TBL1X: variants seen among roughly 807,000 people sequenced by gnomAD.
TBL1X encodes the protein F-box-like/WD repeat-containing protein TBL1X.
Under a neutral mutation model 50.7 loss-of-function variants are expected in TBL1X, and 10 were observed. The ratio of observed to expected loss-of-function variants is 0.20; its 90% CI spans 0.12 to 0.33. The LOEUF (loss-of-function observed/expected upper bound fraction) is 0.33, where lower values mean the gene tolerates loss of function less well. Among genes scored for constraint, TBL1X ranks in the 10% least tolerant of loss-of-function variants. The pLI is 1.00. For missense variants in TBL1X, 340 were observed against 504.4 expected (o/e 0.67, Z 3.12); for synonymous variants, 190 against 214.7 (o/e 0.88, Z 1.01).
intron 2 of TBL1X, among the ~76,000 whole-genome samples, chrX:9,517,844 C>G: frequency 8.9e-6 from 1 of 112,119 alleles, no homozygotes; most frequent in Middle Eastern, 4.6e-3. Context: ...GCGGCTCATG[C>G]CTGTAATCCC....
intron 2 of TBL1X, among the ~76,000 whole-genome samples, chrX:9,638,828 T>C (rs979012867): frequency 2.7e-5 from 3 of 112,076 alleles, no homozygotes; most frequent in African/African-American, 9.7e-5. Context: ...TTTTTTCCCC[T>C]GGTAATTTAT....
chrX:9,689,230 C>A (rs1009393375), intron 7 of TBL1X, among the ~76,000 whole-genome samples: 20 of 112,319 alleles, frequency 1.8e-4, no homozygotes, highest in African/African-American at 6.5e-4. Flanking sequence ...CTGACTATGA[C>A]GTTGCTGTCT....
chrX:9,692,332 G>A (rs1217689942), intron 9 of TBL1X, 78 bp downstream of exon 9: 1 of 1,109,323 alleles, frequency 9.0e-7, no homozygotes, highest in African/African-American at 1.9e-5. Context: ...CAGCAATGGA[G>A]CCCATGCAGA....
At chrX:9,635,537 G>A (rs1412917860) in intron 2 of TBL1X, among the ~76,000 whole-genome samples, 1 of 111,963 alleles carries the variant, frequency 8.9e-6, no homozygotes, top group African/African-American at 3.2e-5. Flanking sequence ...TGCAGTGGCA[G>A]CCAGGTAGTG....
At chrX:9,642,468 GTCC>G (rs2082780890) in intron 3 of TBL1X, among the ~76,000 whole-genome samples, 1 of 111,854 alleles carries the variant, frequency 8.9e-6, no homozygotes, top group East Asian at 2.8e-4. Context: ...TTCAACACAT[GTCC>G]TCCTTTCAAA....
Position 9,653,120 on chromosome X carries a change from G to C in TBL1X, c.-42-425G>C, listed in dbSNP as rs189381393. On this transcript the variant is annotated intron_variant, in intron 3 of 17. Transcript: ENST00000645353. ...GCGGAGGATGCAGTGAGCTGAGATCGCACCACTGCACTCCGGCCTGGCAAC... is the reference window on the plus strand; with the variant it reads ...GCGGAGGATGCAGTGAGCTGAGATCCCACCACTGCACTCCGGCCTGGCAAC... 5.0e-3 allele frequency among the ~76,000 whole-genome samples: 560 copies of C among 112,790 alleles called. 4 individuals carry two copies. Among genetic ancestry groups the C allele is most frequent in the African/African-American group, 0.017 (526 of 31,093 alleles).
intron 11 of TBL1X, among the ~76,000 whole-genome samples, chrX:9,696,185 A>G (rs925465423): frequency 8.9e-6 from 1 of 112,855 alleles, no homozygotes; most frequent in Admixed American, 9.4e-5. Flanking sequence ...TGGTATCAGA[A>G]CTGTGAAAGA....
At chrX:9,591,865 CA>C (rs1162727605) in intron 2 of TBL1X, among the ~76,000 whole-genome samples, 2 of 112,045 alleles carry the variant, frequency 1.8e-5, no homozygotes, top group Non-Finnish European at 3.8e-5. Context: ...GAAAGGTACC[CA>C]GGGGGGCAGG....
intron 5 of TBL1X, among the ~76,000 whole-genome samples, chrX:9,655,751 A>G (rs1053332175): frequency 3.6e-5 from 4 of 112,260 alleles, no homozygotes; most frequent in Admixed American, 1.9e-4. Context: ...AAACCAGTCT[A>G]CGATCCTCTA....
chrX:9,596,535 A>G (rs1026694175), intron 2 of TBL1X, among the ~76,000 whole-genome samples: 1 of 110,944 alleles, frequency 9.0e-6, no homozygotes, highest in Non-Finnish European at 1.9e-5. Context: ...AACATCCTAC[A>G]ATGCAGCGGT....
chrX:9,542,949 C>G (rs1013900758), intron 2 of TBL1X, among the ~76,000 whole-genome samples: 6 of 111,806 alleles, frequency 5.4e-5, no homozygotes, highest in African/African-American at 2.0e-4. Flanking sequence ...AGCCCGTGGC[C>G]TGTCCCCTGC....
chrX:9,558,701 G>A (rs1406155689), intron 2 of TBL1X, among the ~76,000 whole-genome samples: 2 of 110,990 alleles, frequency 1.8e-5, no homozygotes, highest in Admixed American at 1.9e-4. Context: ...TACTGTGGAA[G>A]TGGTATATTT....
chrX:9,644,655 TTTTC>T (rs1423295044), intron 3 of TBL1X: 2 of 103,887 alleles, frequency 1.9e-5, no homozygotes, highest in African/African-American at 7.4e-5. Context: ...TTTTCTTTTC[TTTTC>T]TTTTTTTTTT....
At chrX:9,579,754 G>T (rs2082430283) in intron 2 of TBL1X, among the ~76,000 whole-genome samples, 1 of 110,659 alleles carries the variant, frequency 9.0e-6, no homozygotes. Context: ...TACAACTTGT[G>T]ACCCCCTTGA....
At position 9,550,544 on chromosome X, in the gene TBL1X, G is replaced by A. The variant is rs757306394; in HGVS notation, c.-131+48695G>A. ...TAGACTCTTCAAAATCATCTCGGTA[G>A]AATATTGACCTTTTTTGTGTGTGGA... On this transcript the variant is annotated intron_variant, in intron 2 of 17. Coordinates refer to ENST00000645353, the MANE Select transcript of TBL1X (RefSeq NM_005647.4). Among the ~76,000 whole-genome samples, 209 of 112,128 alleles carry A rather than the reference G, an allele frequency of 1.9e-3. 3 individuals carry two copies. The highest frequency in any genetic ancestry group is 1.9e-3 in the South Asian group (5 of 2,678).
Position 9,709,231 on chromosome X carries a change from C to G in TBL1X, c.1237-17C>G. The G allele has an allele frequency of 2.5e-6, 3 of 1,207,879 alleles. No individual in the cohort carries two copies. The highest frequency in any genetic ancestry group is 3.4e-6 in the Non-Finnish European group (3 of 893,091). ...CAGGCCCTGATGTCTTTTTCACACT[C>G]TTCTGCTCTCTTTCAGAACGAGGTC... On this transcript the variant is annotated splice_polypyrimidine_tract_variant and intron_variant, in intron 13 of 17. Coordinates refer to ENST00000645353, the MANE Select transcript of TBL1X (RefSeq NM_005647.4).
intron 2 of TBL1X, among the ~76,000 whole-genome samples, chrX:9,575,213 C>T (rs1352220719): frequency 1.8e-5 from 2 of 110,759 alleles, no homozygotes; most frequent in Admixed American, 9.6e-5. Context: ...AGAACTCACT[C>T]GCCATCACAA....
chrX:9,505,441 A>G (rs1278880647), intron 2 of TBL1X, among the ~76,000 whole-genome samples: 1 of 112,234 alleles, frequency 8.9e-6, no homozygotes, highest in Non-Finnish European at 1.9e-5. Context: ...AAATTCACAC[A>G]TAACAATATT....
chrX:9,590,915 G>A (rs772544588), intron 2 of TBL1X, among the ~76,000 whole-genome samples: 34 of 106,871 alleles, frequency 3.2e-4, no homozygotes, highest in African/African-American at 1.2e-3. Flanking sequence ...AACAGCGGGC[G>A]GACACTTCAG....
Sources: allele counts gnomAD v4.1 joint callset (sites outside exome capture counted in the v4.1 genomes callset), GRCh38; gene constraint gnomAD v4.1.1; transcripts MANE v1.5; gene names NCBI Gene and HGNC (gene_info 2026-07-23, HGNC 2026-07-21).